INTS6: variants seen among roughly 807,000 people sequenced by gnomAD.
The protein encoded by INTS6 is integrator complex subunit 6.
INTS6 carries 16 observed loss-of-function variants against 104.9 expected under a neutral mutation model. The ratio of observed to expected loss-of-function variants is 0.15; its 90% CI spans 0.10 to 0.23. The LOEUF (loss-of-function observed/expected upper bound fraction) is 0.23, where lower values mean the gene tolerates loss of function less well. INTS6 is among the 10% of genes least tolerant of loss of function. The probability of loss-of-function intolerance (pLI) is 1.00; values close to 1 mark genes in which losing one functional copy is unlikely to be tolerated. For synonymous variants in INTS6, 324 were observed against 358.7 expected (o/e 0.90, Z 1.09); for missense variants, 584 against 1,062.8 (o/e 0.55, Z 6.26).
In INTS6 at chr13:51,429,795, T is replaced by A. The variant is rs867035114; in HGVS notation, c.429+499A>T. 7.0e-3 allele frequency among the ~76,000 whole-genome samples: 823 copies of A among 117,558 alleles called. 13 individuals are homozygous for A. The highest frequency in any genetic ancestry group is 0.024 in the African/African-American group (686 of 29,160). 77.1% of individuals were successfully genotyped at this position (117,558 alleles called of 152,430 possible). ...AAAAAAAAAAAAAAAAATATATATATATATATATATATATGTATAATACAT... is the reference window on the plus strand; with the variant it reads ...AAAAAAAAAAAAAAAAATATATATAAATATATATATATATGTATAATACAT... On this transcript the variant is annotated intron_variant, in intron 4 of 17. Coordinates refer to ENST00000311234, the MANE Select transcript of INTS6 (RefSeq NM_012141.3).
chr13:51,394,912 A>G (rs1047285579), intron 5 of INTS6, among the ~76,000 whole-genome samples: 2 of 152,212 alleles, frequency 1.3e-5, no homozygotes, highest in African/African-American at 2.4e-5. Context: ...TGCCTCTGGG[A>G]AAAATTGCAC....
chr13:51,395,351 C>T lies in INTS6; in HGVS notation c.562G>A (p.Gly188Ser). ...TMSVESEQLT[G>S]VPLDDSAITP... ...ATTGCAGAGTCATCTAAAGGCACAC[C>T]TGTCAACTGTTCTGATTCTACTGAC... The change falls in exon 5 of 18, where the codon GGT (glycine) becomes AGT (serine). Residue 188 changes from glycine to serine, a missense_variant. By Grantham distance (56) the Gly-to-Ser change is moderately conservative. Transcript: ENST00000311234. The T allele has an allele frequency of 6.2e-7, 1 of 1,613,732 alleles. No homozygotes were observed. The highest frequency in any genetic ancestry group is 1.1e-5 in the South Asian group (1 of 91,022).
intron 4 of INTS6, among the ~76,000 whole-genome samples, chr13:51,404,911 TGAAAGG>T (rs1257007583): frequency 7.4e-5 from 11 of 148,768 alleles, no homozygotes. Flanking sequence ...ATTTATTTAA[TGAAAGG>T]CAACACATTA....
At chr13:51,355,100 C>T (rs1304587020) in intron 3 of INTS6, 11 of 1,551,266 alleles carry the variant, frequency 7.1e-6, no homozygotes, top group African/African-American at 2.7e-5. Flanking sequence ...GGGGAGTCAC[C>T]GATCTTTTTG....
intron 4 of INTS6, among the ~76,000 whole-genome samples, chr13:51,426,982 A>G (rs1956996163): frequency 6.6e-6 from 1 of 152,036 alleles, no homozygotes; most frequent in African/African-American, 2.4e-5. Context: ...CTGGATCTCA[A>G]TTTTCTCATT....
intron 15 of INTS6, among the ~76,000 whole-genome samples, chr13:51,371,012 A>G (rs1333435568): frequency 6.6e-6 from 1 of 152,158 alleles, no homozygotes; most frequent in East Asian, 1.9e-4. Flanking sequence ...TTCCACCCCC[A>G]AAGCCCTTCT....
chr13:51,438,580 T>C (rs1479639851), intron 3 of INTS6: 3 of 152,354 alleles, frequency 2.0e-5, no homozygotes, highest in Non-Finnish European at 4.4e-5. Flanking sequence ...CATTTGTGAT[T>C]AGACACTGCC....
intron 11 of INTS6, among the ~76,000 whole-genome samples, chr13:51,378,845 T>A (rs1042607093): frequency 2.6e-5 from 4 of 152,058 alleles, no homozygotes; most frequent in African/African-American, 9.7e-5. Context: ...CACATCAATA[T>A]GGCAAATAAT....
At chr13:51,369,471 G>A (rs576284088) in intron 15 of INTS6, among the ~76,000 whole-genome samples, 161 bp from the exon 16 acceptor site, 4 of 152,126 alleles carry the variant, frequency 2.6e-5, no homozygotes, top group East Asian at 3.9e-4. Flanking sequence ...CCAAAGATAC[G>A]GTAGATTTCA....
intron 5 of INTS6, 119 bp from the exon 6 acceptor site, chr13:51,389,563 CA>C: frequency 1.1e-6 from 1 of 900,246 alleles, no homozygotes; most frequent in Non-Finnish European, 1.5e-6. Flanking sequence ...TACTAATTAA[CA>C]AAAGTTCAAT....
At chr13:51,450,421 T>C (rs993286982) in intron 3 of INTS6, 7 of 985,434 alleles carry the variant, frequency 7.1e-6, no homozygotes, top group Non-Finnish European at 8.4e-6. Flanking sequence ...GCAGTCTTTT[T>C]TTCCAAGGGT....
chr13:51,428,927 T>C (rs913243326), intron 4 of INTS6, among the ~76,000 whole-genome samples: 4 of 152,238 alleles, frequency 2.6e-5, no homozygotes, highest in African/African-American at 9.6e-5. Flanking sequence ...CAGAGAATTA[T>C]ATCTCTTTAG....
chr13:51,367,298 T>A (rs939063848), intron 17 of INTS6, among the ~76,000 whole-genome samples: 5 of 151,998 alleles, frequency 3.3e-5, no homozygotes, highest in African/African-American at 1.2e-4. Context: ...ATACTTTCAA[T>A]CTGTGGTTGC....
rs1325617449 is a variant in INTS6, at chr13:51,374,405, G to A, written c.1907C>T (p.Ala636Val). Residue 636 changes from alanine (A) to valine (V), a missense_variant, in exon 15 of 18, where the codon GCT becomes GTT. Transcript: ENST00000311234. Reference sequence around the variant, plus strand: ...TCGTTTATGTTTATTTTGAGGTCCAGCCACAAATTCATCTGCTTCATCTAT... The same window carrying A: ...TCGTTTATGTTTATTTTGAGGTCCAACCACAAATTCATCTGCTTCATCTAT... ...MMIDEADEFVAGPQNKHKRPG... is the reference protein window; with the variant it reads ...MMIDEADEFVVGPQNKHKRPG... The A allele has an allele frequency of 1.2e-6, 2 of 1,613,130 alleles. No individual in the cohort carries two copies. Among genetic ancestry groups the A allele is most frequent in the African/African-American group, 1.3e-5 (1 of 74,974 alleles).
chr13:51,398,994 G>A (rs1225694935), intron 4 of INTS6, among the ~76,000 whole-genome samples: 1 of 152,136 alleles, frequency 6.6e-6, no homozygotes, highest in East Asian at 1.9e-4. Flanking sequence ...ATGCCTTTGT[G>A]TAACTAAAAT....
rs1176178593 is a variant in INTS6, at chr13:51,378,359, T to C, written c.1482A>G (p.Ser494=). The part of the protein sequence containing the change: ...IKVRSRSHGL[S]MAYRKDFQQL... ...GTTGAAAATCTTTCCTATATGCCATTGATAAACCATGTGATCGGCTCCGGA... is the reference window on the plus strand; with the variant it reads ...GTTGAAAATCTTTCCTATATGCCATCGATAAACCATGTGATCGGCTCCGGA... Residue 494 remains serine, a synonymous_variant, in exon 12 of 18, where the codon TCA becomes TCG. Coordinates refer to ENST00000311234, the MANE Select transcript of INTS6 (RefSeq NM_012141.3). The C allele has an allele frequency of 1.2e-6, 2 of 1,613,386 alleles. No homozygotes were observed. Among genetic ancestry groups the C allele is most frequent in the African/African-American group, 1.3e-5 (1 of 74,892 alleles).
chr13:51,386,262 A>G (rs1217352062), intron 7 of INTS6, among the ~76,000 whole-genome samples: 2 of 152,176 alleles, frequency 1.3e-5, no homozygotes, highest in Non-Finnish European at 2.9e-5. Flanking sequence ...ATTTCTTTCC[A>G]TTACAACTCA....
downstream of INTS6, chr13:51,361,291 T>G: frequency 6.2e-7 from 1 of 1,609,136 alleles, no homozygotes; most frequent in African/African-American, 1.3e-5. Context: ...AAGATGGCTT[T>G]TATGTTTCTG....
At chr13:51,394,522 C>T (rs1450088145) in intron 5 of INTS6, among the ~76,000 whole-genome samples, 1 of 152,038 alleles carries the variant, frequency 6.6e-6, no homozygotes, top group African/African-American at 2.4e-5. Context: ...AGGCCCTTAT[C>T]ATAAGTAAAA....
Sources: gnomAD v4.1 joint callset for allele counts (sites outside exome capture counted in the v4.1 genomes callset) on GRCh38, gnomAD v4.1.1 for gene constraint, MANE v1.5 for transcripts, NCBI Gene and HGNC (gene_info 2026-07-23, HGNC 2026-07-21) for gene names.